The following UQCRFS1 variants were observed in gnomAD, a reference collection of about 807,000 sequenced individuals.
UQCRFS1 encodes the protein ubiquinol-cytochrome c reductase, Rieske iron-sulfur polypeptide 1.
UQCRFS1 carries 6 observed loss-of-function variants against 15.6 expected under a neutral mutation model. The ratio of observed to expected loss-of-function variants is 0.38; its 90% CI spans 0.21 to 0.76. The LOEUF is 0.76. Ranked by LOEUF, UQCRFS1 falls within the 30% of genes least tolerant of loss-of-function variation. The probability of loss-of-function intolerance (pLI) is 0.44; values close to 1 mark genes in which losing one functional copy is unlikely to be tolerated. For missense variants in UQCRFS1, 203 were observed against 366.7 expected (o/e 0.55, Z 3.65); for synonymous variants, 105 against 154.3 (o/e 0.68, Z 2.37).
At position 29,207,712 on chromosome 19, in the gene UQCRFS1, C is replaced by A; in HGVS notation, c.661G>T (p.Gly221Cys). The change falls in exon 2 of 2, where the codon GGC becomes TGC. Residue 221 changes from glycine (G) to cysteine (C), a missense_variant. Transcript: ENST00000304863. The stretch of plus-strand genomic sequence containing the variant: ...CCTGCATTTGCAATGGGTACACAGC[C>A]AAGATGAGTGCAAACACCTATCAGG... ...VILIGVCTHL[G>C]CVPIANAGDF... 1 of 1,613,966 alleles carries A rather than the reference C, an allele frequency of 6.2e-7. No individual in the cohort carries two copies. Among genetic ancestry groups the A allele is most frequent in the Non-Finnish European group, 8.5e-7 (1 of 1,179,876 alleles).
chr19:29,208,323 G>A (rs909714620), intron 1 of UQCRFS1, among the ~76,000 whole-genome samples, 165 bp from the exon 2 acceptor site: 6 of 152,188 alleles, frequency 3.9e-5, no homozygotes, highest in Non-Finnish European at 5.9e-5. Flanking sequence ...GGCGGTGCTA[G>A]CATATAAAAT....
chr19:29,211,644 GAGAC>G (rs1185245710), intron 1 of UQCRFS1, among the ~76,000 whole-genome samples: 1 of 152,222 alleles, frequency 6.6e-6, no homozygotes, highest in African/African-American at 2.4e-5. Flanking sequence ...ATGTGCTACA[GAGAC>G]AGACAAATCA....
At chr19:29,208,240 G>T in intron 1 of UQCRFS1, 82 bp from the exon 2 acceptor site, 1 of 1,485,256 alleles carries the variant, frequency 6.7e-7, no homozygotes, top group Admixed American at 2.4e-5. Context: ...GCCCTTTATG[G>T]ATTCACAGGT....
chr19:29,209,116 A>G (rs1390990445), intron 1 of UQCRFS1, among the ~76,000 whole-genome samples: 1 of 145,334 alleles, frequency 6.9e-6, no homozygotes, highest in African/African-American at 2.5e-5. Context: ...AAAAACAAAA[A>G]CAAGACACAG....
intron 1 of UQCRFS1, among the ~76,000 whole-genome samples, chr19:29,211,183 G>GAA (rs11419465): frequency 4.0e-5 from 6 of 150,404 alleles, no homozygotes; most frequent in African/African-American, 1.2e-4. Flanking sequence ...AAATTTACAA[G>GAA]AAAAAAACAA....
At chr19:29,208,200 T>C in intron 1 of UQCRFS1, 42 bp from the exon 2 acceptor site, 1 of 1,560,756 alleles carries the variant, frequency 6.4e-7, no homozygotes, top group South Asian at 1.2e-5. Context: ...ATTAGATGAG[T>C]ATCCCGAAGG....
intron 1 of UQCRFS1, among the ~76,000 whole-genome samples, chr19:29,211,152 G>GA (rs1249908567): frequency 1.3e-5 from 2 of 148,904 alleles, no homozygotes; most frequent in Non-Finnish European, 3.0e-5. Context: ...CTAATATCCA[G>GA]AATCTACAAT....
intron 1 of UQCRFS1, among the ~76,000 whole-genome samples, chr19:29,211,664 TAAA>T (rs1258698688): frequency 6.6e-6 from 1 of 151,994 alleles, no homozygotes; most frequent in Non-Finnish European, 1.5e-5. Flanking sequence ...AATCAGCAAA[TAAA>T]AACTTTATTC....
In UQCRFS1 at chr19:29,207,394, A is replaced by G. The variant is rs1976604524; in HGVS notation, c.*154T>C. 2.0e-6 allele frequency: 2 copies of G among 1,004,508 alleles called. No individual in the cohort carries two copies. The highest frequency in any genetic ancestry group is 2.9e-6 in the Non-Finnish European group (2 of 699,094). The allele number at this position is 1,004,508 out of a possible 1,614,324, so 62.2% of individuals were successfully genotyped here. Reference sequence around the variant, plus strand: ...AAGTGAATGCCTGAAAGTATTCAACATTAAATTCAATTTATTTCACATTAA... The same window carrying G: ...AAGTGAATGCCTGAAAGTATTCAACGTTAAATTCAATTTATTTCACATTAA... On this transcript the variant is annotated 3_prime_UTR_variant, in exon 2 of 2. Transcript: ENST00000304863.
At chr19:29,209,200 A>T (rs1465308396) in intron 1 of UQCRFS1, among the ~76,000 whole-genome samples, 1 of 152,216 alleles carries the variant, frequency 6.6e-6, no homozygotes, top group Non-Finnish European at 1.5e-5. Context: ...ACTTTTAGGT[A>T]TGTTTCAGGA....
At position 29,213,145 on chromosome 19, in the gene UQCRFS1, C is replaced by G; in HGVS notation, c.-27G>C. The G allele has an allele frequency of 7.9e-6, 12 of 1,519,182 alleles. No individual in the cohort carries two copies. The highest frequency in any genetic ancestry group is 1.1e-5 in the Non-Finnish European group (12 of 1,139,028). 94.1% of individuals were successfully genotyped at this position (1,519,182 alleles called of 1,614,324 possible). ...GCGACAGCCGCTCCAACCGCCAAGC[C>G]GGTCACAGGGACGACCTTCCAACCA... On this transcript the variant is annotated 5_prime_UTR_variant, in exon 1 of 2. Coordinates refer to ENST00000304863, the MANE Select transcript of UQCRFS1 (RefSeq NM_006003.3).
chr19:29,210,789 T>C (rs1976638546), intron 1 of UQCRFS1, among the ~76,000 whole-genome samples: 1 of 152,194 alleles, frequency 6.6e-6, no homozygotes, highest in South Asian at 2.1e-4. Flanking sequence ...TTCCAAGTCT[T>C]TGCTATTGTG....
In UQCRFS1 at chr19:29,207,341, C is replaced by A; in HGVS notation, c.*207G>T. On this transcript the variant is annotated 3_prime_UTR_variant, in exon 2 of 2. Coordinates refer to ENST00000304863, the MANE Select transcript of UQCRFS1 (RefSeq NM_006003.3). ...TGTACCTTTCGCGTGTATGACTGAGCATAACAGTGCTTAACAGTGTCTTTA... is the reference window on the plus strand; with the variant it reads ...TGTACCTTTCGCGTGTATGACTGAGAATAACAGTGCTTAACAGTGTCTTTA... 1.6e-6 allele frequency: 1 copy of A among 641,156 alleles called. No homozygotes were observed. The highest frequency in any genetic ancestry group is 2.6e-6 in the Non-Finnish European group (1 of 391,192). The allele number at this position is 641,156 out of a possible 1,614,324, so 39.7% of individuals were successfully genotyped here.
chr19:29,209,448 C>A (rs1976623161), intron 1 of UQCRFS1, among the ~76,000 whole-genome samples: 1 of 152,254 alleles, frequency 6.6e-6, no homozygotes. Context: ...ACCTGAACTG[C>A]TTTTCACATG....
rs766639222 is a variant in UQCRFS1, at chr19:29,207,037, T to C, written c.*511A>G. 4 of 154,096 alleles carry C rather than the reference T, an allele frequency of 2.6e-5. No individual in the cohort carries two copies. Among genetic ancestry groups the C allele is most frequent in the Non-Finnish European group, 5.8e-5 (4 of 69,432 alleles). 9.5% of individuals were successfully genotyped at this position (154,096 alleles called of 1,614,324 possible). ...TCTTTCCCACAGATTAGTGTTGAGA[T>C]TATCACACGGCTTACACAGTAGGGA... On this transcript the variant is annotated 3_prime_UTR_variant, in exon 2 of 2. Transcript: ENST00000304863.
rs1471925238 is a variant in UQCRFS1 at position 29,206,823 on chromosome 19, A to C, written c.*725T>G. 1.3e-5 allele frequency: 2 copies of C among 152,234 alleles called. No homozygotes were observed. The highest frequency in any genetic ancestry group is 2.9e-5 in the Non-Finnish European group (2 of 68,048). 9.4% of individuals were successfully genotyped at this position (152,234 alleles called of 1,614,324 possible). On this transcript the variant is annotated 3_prime_UTR_variant, in exon 2 of 2. Transcript: ENST00000304863. The stretch of plus-strand genomic sequence containing the variant: ...CCACACACAAAATGAACGAAATGGC[A>C]GAGCACTCTCATTTTGGAAAGTTTC...
rs936365294 is a variant in UQCRFS1, at chr19:29,206,343, G to C, written c.*1205C>G. The C allele has an allele frequency of 3.3e-5, 5 of 152,146 alleles. No individual in the cohort carries two copies. Among genetic ancestry groups the C allele is most frequent in the Non-Finnish European group, 7.3e-5 (5 of 68,038 alleles). The allele number at this position is 152,146 out of a possible 1,614,324, so 9.4% of individuals were successfully genotyped here. A position where few individuals can be genotyped will look rare whatever the true frequency, so the allele number is the denominator to read the frequency against. The stretch of plus-strand genomic sequence containing the variant: ...ACCTAGCTATTAACATCAAAGGCTG[G>C]AATCCTGGATGGTCAGTTCCCTTTG... On this transcript the variant is annotated 3_prime_UTR_variant, in exon 2 of 2. Coordinates refer to ENST00000304863, the MANE Select transcript of UQCRFS1 (RefSeq NM_006003.3).
rs116836445 is a variant in UQCRFS1 at position 29,211,346 on chromosome 19, G to A, written c.214+1559C>T. Reference sequence around the variant, plus strand: ...TTTTTTGAAGAAACTTTAGCAACACGACGAATTCCAAAGATGCTTTTCTTT... The same window carrying A: ...TTTTTTGAAGAAACTTTAGCAACACAACGAATTCCAAAGATGCTTTTCTTT... On this transcript the variant is annotated intron_variant, in intron 1 of 1. Coordinates refer to ENST00000304863, the MANE Select transcript of UQCRFS1 (RefSeq NM_006003.3). 3.3e-3 allele frequency among the ~76,000 whole-genome samples: 504 copies of A among 152,268 alleles called. 1 individual carries two copies. The highest frequency in any genetic ancestry group is 0.011 in the African/African-American group (468 of 41,552).
intron 1 of UQCRFS1, among the ~76,000 whole-genome samples, chr19:29,208,770 T>G (rs1976616863): frequency 6.6e-6 from 1 of 152,238 alleles, no homozygotes. Context: ...GTTTCTATTT[T>G]ATACTCTAGT....
Sources: allele counts gnomAD v4.1 joint callset (sites outside exome capture counted in the v4.1 genomes callset), GRCh38; gene constraint gnomAD v4.1.1; transcripts MANE v1.5; gene names NCBI Gene and HGNC (gene_info 2026-07-23, HGNC 2026-07-21).